Variants in NUP58 observed in about 807,000 individuals in gnomAD.
NUP58 encodes nucleoporin 58.
NUP58 carries 17 observed loss-of-function variants against 70.1 expected under a neutral mutation model. The ratio of observed to expected loss-of-function variants is 0.24; its 90% CI spans 0.17 to 0.36. The LOEUF is 0.36. NUP58 is among the 10% of genes least tolerant of loss of function. The pLI is 1.00. For synonymous variants in NUP58, 275 were observed against 257.6 expected, an observed-to-expected ratio of 1.07 and a Z score of -0.65; for missense variants, 644 against 701.5, an observed-to-expected ratio of 0.92 and a Z score of 0.93.
At chr13:25,346,034 A>G (rs372175508), downstream of NUP58, among the ~76,000 whole-genome samples, 77 of 152,278 alleles carry the variant, frequency 5.1e-4, 2 homozygotes, top group South Asian at 0.015. Flanking sequence ...TCTTGTCATC[A>G]CCACCCCTCT....
chr13:25,309,217 A>C (rs949489012), intron 2 of NUP58, 30 bp from the exon 3 acceptor site: 1 of 1,539,288 alleles, frequency 6.5e-7, no homozygotes, highest in Non-Finnish European at 9.0e-7. Flanking sequence ...TTCATTGATG[A>C]TTAAATTTTA....
intron 14 of NUP58, 100 bp from the exon 15 acceptor site, chr13:25,338,536 G>GT (rs1474159763): frequency 8.9e-6 from 7 of 789,694 alleles, no homozygotes; most frequent in Non-Finnish European, 1.5e-5. Context: ...TTTCAGCACT[G>GT]TATCTGTTAG....
chr13:25,332,068 G>A (rs574932078), intron 13 of NUP58: 3 of 1,000,490 alleles, frequency 3.0e-6, no homozygotes, highest in East Asian at 1.0e-4. Flanking sequence ...TTGTTTGTAT[G>A]TATGTTGACT....
chr13:25,326,550 G>A (rs1356601913), intron 10 of NUP58, among the ~76,000 whole-genome samples: 1 of 152,040 alleles, frequency 6.6e-6, no homozygotes, highest in Admixed American at 6.6e-5. Flanking sequence ...TTCCAAAATA[G>A]TAGTACAGAG....
chr13:25,344,225 G>T (rs958068494), downstream of NUP58, among the ~76,000 whole-genome samples: 1 of 152,042 alleles, frequency 6.6e-6, no homozygotes, highest in Non-Finnish European at 1.5e-5. Context: ...GTAGATAATA[G>T]GTATTAATAT....
At chr13:25,305,283 A>C (rs1404442760) in intron 1 of NUP58, among the ~76,000 whole-genome samples, 1 of 151,668 alleles carries the variant, frequency 6.6e-6, no homozygotes, top group African/African-American at 2.4e-5. Flanking sequence ...AGCTGGGATT[A>C]CATTCAGGTG....
chr13:25,327,171 T>A, intron 11 of NUP58, 137 bp downstream of exon 11: 1 of 592,846 alleles, frequency 1.7e-6, no homozygotes, highest in South Asian at 2.5e-5. Flanking sequence ...TACTCCTTTA[T>A]TCCCTATAAA....
chr13:25,302,191 C>T (rs941018907), intron 1 of NUP58, among the ~76,000 whole-genome samples: 3 of 152,218 alleles, frequency 2.0e-5, no homozygotes, highest in African/African-American at 4.8e-5. Context: ...TACCCCGGAG[C>T]TTTAGCGATG....
chr13:25,301,889 A>G lies in NUP58; in HGVS notation c.107+9A>G, dbSNP rs772110113. ...GGAACGGGAGCGTCTAGGTAACCGC[A>G]CTTTCTCGCCTTCCTGGGCCGGATT... On this transcript the variant is annotated intron_variant, in intron 1 of 15. Transcript: ENST00000381736. The G allele has an allele frequency of 5.6e-5, 89 of 1,590,834 alleles. No homozygotes were observed. The highest frequency in any genetic ancestry group is 7.3e-5 in the Non-Finnish European group (85 of 1,161,056).
chr13:25,308,032 A>T, intron 2 of NUP58, 84 bp downstream of exon 2: 3 of 1,485,724 alleles, frequency 2.0e-6, no homozygotes, highest in Non-Finnish European at 2.8e-6. Context: ...CTTTACAAGG[A>T]TCATCACTGG....
Position 25,320,421 on chromosome 13 carries a change from T to C in NUP58, c.711-109T>C, listed in dbSNP as rs977113677. 32 of 684,940 alleles carry C rather than the reference T, an allele frequency of 4.7e-5. No homozygotes were observed. In the Admixed American group the frequency reaches 1.0e-3, roughly 22 times the overall value. The allele number at this position is 684,940 out of a possible 1,614,324, so 42.4% of individuals were successfully genotyped here. A position where few individuals can be genotyped will look rare whatever the true frequency, so the allele number is the denominator to read the frequency against. ...AATCATCCAGAGAAGCCATACGTGCTTTTTTGCTATATTTTCTTGTGTCTT... is the reference window on the plus strand; with the variant it reads ...AATCATCCAGAGAAGCCATACGTGCCTTTTTGCTATATTTTCTTGTGTCTT... On this transcript the variant is annotated intron_variant, in intron 7 of 15. Coordinates refer to ENST00000381736, the MANE Select transcript of NUP58 (RefSeq NM_014089.4).
At chr13:25,313,099 A>G in intron 4 of NUP58, 67 bp downstream of exon 4, 5 of 1,518,110 alleles carry the variant, frequency 3.3e-6, no homozygotes, top group Non-Finnish European at 4.5e-6. Context: ...TAGAGAACAT[A>G]GATAGTCACC....
At chr13:25,327,701 C>G (rs1469139345) in intron 12 of NUP58, among the ~76,000 whole-genome samples, 189 bp downstream of exon 12, 1 of 152,116 alleles carries the variant, frequency 6.6e-6, no homozygotes, top group East Asian at 1.9e-4. Flanking sequence ...TAAAAAAGAT[C>G]CAAGTACGCT....
At position 25,331,946 on chromosome 13, in the gene NUP58, A is replaced by T. The variant is rs11840770; in HGVS notation, c.1435+388A>T. ...CCATTCTTTGAATTTTTCATATATG[A>T]TACTGATAGGTGGTGCATTCTCATT... On this transcript the variant is annotated intron_variant, in intron 13 of 15. Transcript: ENST00000381736. 1.6e-3 allele frequency: 1,677 copies of T among 1,064,690 alleles called. 31 individuals are homozygous for T. The African/African-American group carries it at 0.026, about 17-fold the overall frequency. The allele number at this position is 1,064,690 out of a possible 1,614,324, so 66.0% of individuals were successfully genotyped here.
Position 25,301,856 on chromosome 13 carries a change from T to C in NUP58, c.83T>C (p.Phe28Ser), listed in dbSNP as rs1441699040. 3 of 1,613,356 alleles carry C rather than the reference T, an allele frequency of 1.9e-6. No individual in the cohort carries two copies. In the South Asian group the frequency reaches 3.3e-5, roughly 18 times the overall value. Residue 28 changes from phenylalanine to serine, a missense_variant, in exon 1 of 16, where the codon TTC (phenylalanine) becomes TCC (serine). Transcript: ENST00000381736. The stretch of plus-strand genomic sequence containing the variant: ...GGCGGGACCAGCACAGGCGGCGTTT[T>C]CTCCTTCGGAACGGGAGCGTCTAGG... The part of the protein sequence containing the change: ...AAGGTSTGGV[F>S]SFGTGASSNP...
Position 25,311,356 on chromosome 13 carries a change from T to C in NUP58, c.287-1527T>C, listed in dbSNP as rs537128173. ...GAATCACCAGGATATTTGTGGGGGT[T>C]TTTTGTTTGTGTTTTCTTTTTGTTT... On this transcript the variant is annotated intron_variant, in intron 3 of 15. Transcript: ENST00000381736. 8.0e-4 allele frequency among the ~76,000 whole-genome samples: 121 copies of C among 152,048 alleles called. 1 individual carries two copies. The highest frequency in any genetic ancestry group is 2.4e-3 in the African/African-American group (101 of 41,494).
At chr13:25,344,168 T>C (rs1267133420), downstream of NUP58, among the ~76,000 whole-genome samples, 1 of 152,176 alleles carries the variant, frequency 6.6e-6, no homozygotes, top group Admixed American at 6.5e-5. Context: ...CCTTTGGCAA[T>C]TTTTATACCA....
intron 1 of NUP58, among the ~76,000 whole-genome samples, chr13:25,305,150 T>TGTTTG (rs1566055108): frequency 3.1e-5 from 1 of 31,928 alleles, no homozygotes; most frequent in Non-Finnish European, 1.5e-4. Flanking sequence ...TTTTTTTTTT[T>TGTTTG]TTTTTTTTTT....
chr13:25,336,759 T>G (rs1277163817), intron 13 of NUP58, among the ~76,000 whole-genome samples, 177 bp from the exon 14 acceptor site: 1 of 152,040 alleles, frequency 6.6e-6, no homozygotes, highest in Non-Finnish European at 1.5e-5. Flanking sequence ...GATAAATCAG[T>G]TTGGATAGGT....
Sources: gnomAD v4.1 joint callset for allele counts (sites outside exome capture counted in the v4.1 genomes callset) on GRCh38, gnomAD v4.1.1 for gene constraint, MANE v1.5 for transcripts, NCBI Gene and HGNC (gene_info 2026-07-23, HGNC 2026-07-21) for gene names.